Variants in LOXL4 observed in about 807,000 individuals in gnomAD.
LOXL4 encodes the protein lysyl oxidase like 4, also known as lysyl oxidase homolog 4.
In LOXL4, 72 loss-of-function variants were observed where a neutral mutation model predicts 89.1. The ratio of observed to expected loss-of-function variants is 0.81; its 90% CI spans 0.67 to 0.98. The LOEUF is 0.98. LOXL4 is among the 50% of genes least tolerant of loss of function. The pLI, the probability that LOXL4 is intolerant of heterozygous loss-of-function variation, is 0.00. For missense variants in LOXL4, 984 were observed against 1,017.5 expected, an observed-to-expected ratio of 0.97 and a Z score of 0.45; for synonymous variants, 355 against 392.1, an observed-to-expected ratio of 0.91 and a Z score of 1.12.
rs754084906 is a variant in LOXL4 at position 98,251,690 on chromosome 10, C to T, written c.1964G>A (p.Arg655His). The T allele has an allele frequency of 2.5e-5, 41 of 1,614,088 alleles. No individual in the cohort carries two copies. Among genetic ancestry groups the T allele is most frequent in the Middle Eastern group, 1.6e-4 (1 of 6,082 alleles). ...DTNCPTGLQR[R>H]YACANFGEQG... is the part of the protein sequence containing the mutation. ...TTCTCCAAAGTTGGCACATGCGTAG[C>T]GCCGCTGCAGTCCTGTAAGGAAGGG... Residue 655 changes from arginine to histidine, a missense_variant, in exon 13 of 15, where the codon CGC becomes CAC. Coordinates refer to ENST00000260702, the MANE Select transcript of LOXL4 (RefSeq NM_032211.7).
intron 11 of LOXL4, 78 bp from the exon 12 acceptor site, chr10:98,252,546 C>T (rs940566892): frequency 9.5e-6 from 9 of 944,352 alleles, no homozygotes; most frequent in Non-Finnish European, 1.5e-5. Flanking sequence ...GGAAGACAGG[C>T]CCCAGGCCCC....
At chr10:98,255,473 C>T (rs1858331199) in intron 10 of LOXL4, 104 bp downstream of exon 10, 3 of 1,287,944 alleles carry the variant, frequency 2.3e-6, no homozygotes, top group Non-Finnish European at 3.2e-6. Context: ...TACTTTCATT[C>T]CCCCATGCTG....
At chr10:98,256,505 T>G in intron 9 of LOXL4, 1 of 476,662 alleles carries the variant, frequency 2.1e-6, no homozygotes, top group Non-Finnish European at 3.7e-6. Flanking sequence ...CCACAGGGCT[T>G]TTGCATAAGC....
chr10:98,252,580 T>C (rs1590875873), intron 11 of LOXL4, 112 bp from the exon 12 acceptor site: 3 of 695,322 alleles, frequency 4.3e-6, no homozygotes, highest in East Asian at 2.6e-5. Context: ...AGGAAAGTTA[T>C]AGTAGGCAGT....
Position 98,253,684 on chromosome 10 carries a change from A to G in LOXL4, c.1704T>C (p.Ser568=), listed in dbSNP as rs1423095874. 3 of 1,614,246 alleles carry G rather than the reference A, an allele frequency of 1.9e-6. No homozygotes were observed. Among genetic ancestry groups the G allele is most frequent in the Non-Finnish European group, 2.5e-6 (3 of 1,180,042 alleles). ...CAHEENCLSK[S]ADHMDWPYGY... Reference sequence around the variant, plus strand: ...CGTAGGGCCAGTCCATGTGATCCGCAGACTTGGAGAGGCAGTTCTCCTCGT... The same window carrying G: ...CGTAGGGCCAGTCCATGTGATCCGCGGACTTGGAGAGGCAGTTCTCCTCGT... Residue 568 remains serine (S), a synonymous_variant, in exon 11 of 15, where the codon TCT becomes TCC. Transcript: ENST00000260702.
At chr10:98,267,981 G>C (rs538732002) in intron 1 of LOXL4, among the ~76,000 whole-genome samples, 151 bp downstream of exon 1, 1 of 152,154 alleles carries the variant, frequency 6.6e-6, no homozygotes, top group African/African-American at 2.4e-5. Context: ...CGACTGGAGG[G>C]CCGGGCTGAG....
At chr10:98,259,662 G>T (rs1054533918) in intron 4 of LOXL4, among the ~76,000 whole-genome samples, 26 of 152,220 alleles carry the variant, frequency 1.7e-4, no homozygotes, top group African/African-American at 6.3e-4. Context: ...CTAGAGTGGG[G>T]GCAGGTGGAT....
At chr10:98,257,297 C>T (rs1858406222) in intron 8 of LOXL4, among the ~76,000 whole-genome samples, 1 of 152,222 alleles carries the variant, frequency 6.6e-6, no homozygotes, top group South Asian at 2.1e-4. Context: ...ACAGTGGCAC[C>T]AGTGACTTGC....
chr10:98,263,372 A>G (rs764427594), intron 1 of LOXL4, among the ~76,000 whole-genome samples: 4 of 152,204 alleles, frequency 2.6e-5, no homozygotes, highest in African/African-American at 4.8e-5. Flanking sequence ...CACCGTATGG[A>G]AAGTGCTTAG....
intron 1 of LOXL4, among the ~76,000 whole-genome samples, chr10:98,267,681 CGG>C (rs1418366200): frequency 1.3e-5 from 2 of 152,098 alleles, no homozygotes; most frequent in African/African-American, 2.4e-5. Flanking sequence ...CCCTTCCCTT[CGG>C]TGTTTCTGTC....
rs1858593762 is a variant in LOXL4 at position 98,263,026 on chromosome 10, T to G, written c.-7A>C. The G allele has an allele frequency of 6.2e-7, 1 of 1,611,466 alleles. No homozygotes were observed. The highest frequency in any genetic ancestry group is 8.5e-7 in the Non-Finnish European group (1 of 1,178,418). The stretch of plus-strand genomic sequence containing the variant: ...CTGGTGGGGACCACGCCATGGTGAC[T>G]TCAAGGACAGCTGAGGCCAAGATAC... On this transcript the variant is annotated 5_prime_UTR_variant, in exon 2 of 15. Transcript: ENST00000260702.
chr10:98,257,294 C>T (rs1858406074), intron 8 of LOXL4, among the ~76,000 whole-genome samples: 1 of 152,226 alleles, frequency 6.6e-6, no homozygotes, highest in Non-Finnish European at 1.5e-5. Flanking sequence ...TTTACAGTGG[C>T]ACCAGTGACT....
intron 4 of LOXL4, among the ~76,000 whole-genome samples, chr10:98,259,780 G>A (rs1322114331): frequency 2.0e-5 from 3 of 152,166 alleles, no homozygotes; most frequent in Admixed American, 6.5e-5. Flanking sequence ...TGGTGGGGGC[G>A]GCCCGCCCAG....
In LOXL4 at chr10:98,248,859, T is replaced by C; in HGVS notation, c.*62A>G. On this transcript the variant is annotated 3_prime_UTR_variant, in exon 15 of 15. Coordinates refer to ENST00000260702, the MANE Select transcript of LOXL4 (RefSeq NM_032211.7). ...CTGAGTTGGGACTCTGTGAAGGGCA[T>C]GGCTCCAATAAGCTGAGGTATCTGG... 6.9e-7 allele frequency: 1 copy of C among 1,459,784 alleles called. No homozygotes were observed. Among genetic ancestry groups the C allele is most frequent in the East Asian group, 2.3e-5 (1 of 43,840 alleles). The allele number at this position is 1,459,784 out of a possible 1,614,324, so 90.4% of individuals were successfully genotyped here.
intron 4 of LOXL4, among the ~76,000 whole-genome samples, chr10:98,260,422 G>C (rs1197606193): frequency 6.7e-6 from 1 of 150,336 alleles, no homozygotes; most frequent in Non-Finnish European, 1.5e-5. Context: ...GGAAAGTCTA[G>C]TGTTTTAACC....
At chr10:98,258,972 C>A in intron 6 of LOXL4, 37 bp downstream of exon 6, 1 of 1,481,080 alleles carries the variant, frequency 6.8e-7, no homozygotes, top group Non-Finnish European at 9.1e-7. Flanking sequence ...CCCGTGCCTC[C>A]AAGCTGTGGT....
chr10:98,266,122 G>A (rs1051891608), intron 1 of LOXL4, among the ~76,000 whole-genome samples: 1 of 152,138 alleles, frequency 6.6e-6, no homozygotes, highest in African/African-American at 2.4e-5. Flanking sequence ...GACAGCCAGG[G>A]ACTGAGCCAA....
At chr10:98,261,461 G>A (rs143466419) in intron 3 of LOXL4, among the ~76,000 whole-genome samples, 154 of 152,298 alleles carry the variant, frequency 1.0e-3, no homozygotes, top group African/African-American at 3.6e-3. Flanking sequence ...GCATGGAAGG[G>A]CCTTCTCTGT....
chr10:98,248,522 C>T lies in LOXL4; in HGVS notation c.*399G>A, dbSNP rs761712534. The T allele has an allele frequency of 7.2e-5, 12 of 166,904 alleles. No individual in the cohort carries two copies. Among genetic ancestry groups the T allele is most frequent in the Non-Finnish European group, 1.2e-4 (9 of 77,284 alleles). 10.3% of individuals were successfully genotyped at this position (166,904 alleles called of 1,614,324 possible). ...AACACTACCTGCTGTGTATTTTGGT[C>T]CTCTGTCCTATACTCCTCCAAGACA... is the stretch of plus-strand genomic sequence containing the variant. On this transcript the variant is annotated 3_prime_UTR_variant, in exon 15 of 15. Coordinates refer to ENST00000260702, the MANE Select transcript of LOXL4 (RefSeq NM_032211.7).
Sources: gnomAD v4.1 joint callset for allele counts (sites outside exome capture counted in the v4.1 genomes callset) on GRCh38, gnomAD v4.1.1 for gene constraint, MANE v1.5 for transcripts, NCBI Gene and HGNC (gene_info 2026-07-23, HGNC 2026-07-21) for gene names.